Variants in PLEKHG7 observed in about 807,000 individuals in gnomAD.
PLEKHG7 encodes pleckstrin homology domain-containing family G member 7.
Under a neutral mutation model 85.2 loss-of-function variants are expected in PLEKHG7, and 77 were observed. The ratio of observed to expected loss-of-function variants is 0.90; its 90% CI spans 0.75 to 1.09. PLEKHG7 has a LOEUF of 1.09. Among genes scored for constraint, PLEKHG7 ranks in the 50% least tolerant of loss-of-function variants. PLEKHG7 has a pLI of 0.00. For synonymous variants in PLEKHG7, 301 were observed against 302.4 expected (o/e 1.00, Z 0.05); for missense variants, 777 against 804.3 (o/e 0.97, Z 0.41).
chr12:92,761,266 G>C (rs77782151), intron 13 of PLEKHG7, among the ~76,000 whole-genome samples: 3 of 152,172 alleles, frequency 2.0e-5, no homozygotes, highest in Non-Finnish European at 4.4e-5. Flanking sequence ...GGAATCTAGA[G>C]GCAAAAATGC....
intron 3 of PLEKHG7, among the ~76,000 whole-genome samples, chr12:92,724,257 G>A (rs1010443658): frequency 1.3e-5 from 2 of 152,110 alleles, no homozygotes; most frequent in African/African-American, 4.8e-5. Flanking sequence ...ATATGATGAA[G>A]GTAGAATTAT....
chr12:92,723,119 A>G (rs188020170), intron 3 of PLEKHG7, among the ~76,000 whole-genome samples: 136 of 152,356 alleles, frequency 8.9e-4, no homozygotes, highest in African/African-American at 2.8e-3. Context: ...ATGGAGGCGT[A>G]AAGTGCACAG....
intron 4 of PLEKHG7, 65 bp from the exon 5 acceptor site, chr12:92,732,168 T>C (rs748128626): frequency 2.5e-5 from 25 of 1,015,504 alleles, no homozygotes; most frequent in Non-Finnish European, 2.9e-5. Flanking sequence ...TGTAAAGCAC[T>C]ACGATGATCT....
chr12:92,737,837 TTTTA>T (rs1368161991), intron 7 of PLEKHG7, among the ~76,000 whole-genome samples: 4 of 149,916 alleles, frequency 2.7e-5, no homozygotes, highest in African/African-American at 9.8e-5. Flanking sequence ...TCGTGAAAAT[TTTTA>T]TTTGTCATTT....
intron 10 of PLEKHG7, among the ~76,000 whole-genome samples, chr12:92,752,409 G>A (rs1872715346): frequency 6.6e-6 from 1 of 152,164 alleles, no homozygotes; most frequent in African/African-American, 2.4e-5. Flanking sequence ...AAGAGTCCAG[G>A]AGCCAGAGGA....
chr12:92,757,740 C>T (rs1592687410), intron 13 of PLEKHG7, among the ~76,000 whole-genome samples: 1 of 152,148 alleles, frequency 6.6e-6, no homozygotes, highest in East Asian at 1.9e-4. Context: ...AGCCTGGCTG[C>T]CTTGGTCCAG....
At chr12:92,707,160 G>C in intron 2 of PLEKHG7, 22 bp downstream of exon 2, 1 of 1,592,920 alleles carries the variant, frequency 6.3e-7, no homozygotes, top group Non-Finnish European at 8.5e-7. Context: ...CTAAGCCTCC[G>C]GCCTCTCAGT....
intron 9 of PLEKHG7, among the ~76,000 whole-genome samples, chr12:92,744,521 C>T (rs1872467672): frequency 6.6e-6 from 1 of 151,814 alleles, no homozygotes; most frequent in African/African-American, 2.4e-5. Context: ...AGGTGGCTTA[C>T]AAATGTGTAG....
chr12:92,746,767 C>T (rs1872545425), intron 10 of PLEKHG7, among the ~76,000 whole-genome samples: 1 of 152,130 alleles, frequency 6.6e-6, no homozygotes, highest in Non-Finnish European at 1.5e-5. Context: ...GCACCAAAAA[C>T]ATACATTGGA....
chr12:92,744,176 A>G (rs929613008), intron 9 of PLEKHG7, among the ~76,000 whole-genome samples: 8 of 152,004 alleles, frequency 5.3e-5, no homozygotes, highest in African/African-American at 1.9e-4. Flanking sequence ...TGCTTTCTCT[A>G]CTCACGAGTA....
intron 2 of PLEKHG7, 58 bp downstream of exon 2, chr12:92,707,196 C>T: frequency 6.5e-7 from 1 of 1,544,030 alleles, no homozygotes; most frequent in African/African-American, 1.4e-5. Flanking sequence ...CAAAATAGAT[C>T]TCAGAGTTGC....
intron 5 of PLEKHG7, among the ~76,000 whole-genome samples, chr12:92,733,257 G>A (rs538868006): frequency 2.0e-5 from 3 of 152,306 alleles, no homozygotes; most frequent in East Asian, 1.9e-4. Context: ...CTCACAGGGT[G>A]ATTGTAACGA....
chr12:92,769,815 A>G (rs1307379452), intron 16 of PLEKHG7, among the ~76,000 whole-genome samples: 1 of 152,190 alleles, frequency 6.6e-6, no homozygotes, highest in Non-Finnish European at 1.5e-5. Context: ...TTTTCTAATG[A>G]GTTATCATTG....
chr12:92,715,025 TA>T (rs1042639339), intron 3 of PLEKHG7, among the ~76,000 whole-genome samples: 3 of 128,624 alleles, frequency 2.3e-5, no homozygotes, highest in Non-Finnish European at 3.4e-5. Flanking sequence ...ATGGGATAGA[TA>T]GATAGATAGA....
At chr12:92,716,180 T>C (rs890467934) in intron 3 of PLEKHG7, among the ~76,000 whole-genome samples, 7 of 152,130 alleles carry the variant, frequency 4.6e-5, no homozygotes, top group African/African-American at 1.2e-4. Context: ...CACTGAAATC[T>C]CTGCCTCCTG....
At chr12:92,736,345 T>A (rs927162912) in intron 5 of PLEKHG7, 137 bp from the exon 6 acceptor site, 7 of 478,048 alleles carry the variant, frequency 1.5e-5, no homozygotes, top group Non-Finnish European at 1.3e-5. Flanking sequence ...GCTTTGGAAC[T>A]GTTAGTGGCT....
At chr12:92,734,134 T>G (rs1004525274) in intron 5 of PLEKHG7, among the ~76,000 whole-genome samples, 1 of 152,182 alleles carries the variant, frequency 6.6e-6, no homozygotes, top group Non-Finnish European at 1.5e-5. Flanking sequence ...AATTAACGTC[T>G]TCTTCTTTCA....
chr12:92,707,530 C>A, intron 2 of PLEKHG7, 120 bp from the exon 3 acceptor site: 1 of 1,492,028 alleles, frequency 6.7e-7, no homozygotes, highest in South Asian at 1.4e-5. Context: ...CCAATCCCAC[C>A]AAAATGTAAA....
At chr12:92,759,889 G>A (rs1173369008) in intron 13 of PLEKHG7, among the ~76,000 whole-genome samples, 1 of 152,144 alleles carries the variant, frequency 6.6e-6, no homozygotes, top group Non-Finnish European at 1.5e-5. Context: ...AGACGGACAG[G>A]TTAAAAAAGA....
Sources: gnomAD v4.1 joint callset for allele counts (sites outside exome capture counted in the v4.1 genomes callset) on GRCh38, gnomAD v4.1.1 for gene constraint, MANE v1.5 for transcripts, NCBI Gene and HGNC (gene_info 2026-07-23, HGNC 2026-07-21) for gene names.